Variants in PARD3 observed in about 807,000 individuals in gnomAD.
PARD3 encodes partitioning defective 3 homolog.
PARD3 carries 75 observed loss-of-function variants against 155.4 expected under a neutral mutation model. That is an observed-to-expected ratio of 0.48 (90% CI 0.40 to 0.58). PARD3 has a LOEUF of 0.58. Ranked by LOEUF, PARD3 falls within the 20% of genes least tolerant of loss-of-function variation. PARD3 has a pLI of 0.00. For synonymous variants in PARD3, 576 were observed against 610.5 expected, an observed-to-expected ratio of 0.94 and a Z score of 0.83; for missense variants, 1,642 against 1,721.7, an observed-to-expected ratio of 0.95 and a Z score of 0.82.
intron 2 of PARD3, among the ~76,000 whole-genome samples, chr10:34,650,038 C>T (rs1037818936): frequency 2.0e-5 from 3 of 152,200 alleles, no homozygotes; most frequent in Admixed American, 6.5e-5. Context: ...GGTGACAGCA[C>T]ACATGGAGCT....
Position 34,435,779 on chromosome 10 carries a change from C to T in PARD3, c.714+14538G>A, listed in dbSNP as rs190545784. 1.1e-4 allele frequency among the ~76,000 whole-genome samples: 17 copies of T among 152,338 alleles called. 1 individual carries two copies. Among genetic ancestry groups the T allele is most frequent in the Admixed American group, 8.5e-4 (13 of 15,306 alleles). On this transcript the variant is annotated intron_variant, in intron 5 of 24. Coordinates refer to ENST00000374788, the MANE Select transcript of PARD3 (RefSeq NM_001184785.2). The stretch of plus-strand genomic sequence containing the variant: ...TAACACAGAAGTAAATTACAAAGCA[C>T]CCCGCTTTGGGATATACTAAGGGAA...
At chr10:34,292,214 T>C (rs1023827575) in intron 20 of PARD3, among the ~76,000 whole-genome samples, 19 of 152,228 alleles carry the variant, frequency 1.2e-4, no homozygotes, top group African/African-American at 4.3e-4. Flanking sequence ...TCATTTGTAA[T>C]GACATGCTCA....
At chr10:34,747,889 G>T (rs1484119122) in intron 1 of PARD3, among the ~76,000 whole-genome samples, 1 of 152,274 alleles carries the variant, frequency 6.6e-6, no homozygotes, top group East Asian at 1.9e-4. Flanking sequence ...TGCCTACAGC[G>T]GCTGGAAAAG....
intron 2 of PARD3, 120 bp from the exon 3 acceptor site, chr10:34,517,279 G>T: frequency 1.2e-6 from 1 of 843,660 alleles, no homozygotes; most frequent in Non-Finnish European, 1.7e-6. Flanking sequence ...ACCCTAGAAT[G>T]GTAAGTTTTA....
chr10:34,679,967 T>C (rs1331885927), intron 2 of PARD3, among the ~76,000 whole-genome samples: 1 of 151,808 alleles, frequency 6.6e-6, no homozygotes, highest in Non-Finnish European at 1.5e-5. Context: ...GGACAGAAAA[T>C]TACCTTCTGT....
chr10:34,489,009 T>A (rs541784626), intron 3 of PARD3: 1 of 152,622 alleles, frequency 6.6e-6, no homozygotes, highest in East Asian at 1.9e-4. Context: ...CACTAAAAGC[T>A]TTCTAAGGAG....
chr10:34,413,312 G>A (rs572136982), intron 5 of PARD3, among the ~76,000 whole-genome samples: 3 of 152,240 alleles, frequency 2.0e-5, no homozygotes, highest in Non-Finnish European at 4.4e-5. Context: ...GTTTAATTGT[G>A]TGTAGGAACA....
chr10:34,114,375 AC>A (rs1312645010), intron 24 of PARD3, among the ~76,000 whole-genome samples: 2 of 152,042 alleles, frequency 1.3e-5, no homozygotes, highest in Non-Finnish European at 2.9e-5. Flanking sequence ...ACAGAGCCTC[AC>A]TCTTTTGCCC....
At chr10:34,664,206 T>C (rs1590492920) in intron 2 of PARD3, 2 of 152,196 alleles carry the variant, frequency 1.3e-5, no homozygotes, top group African/African-American at 4.8e-5. Flanking sequence ...CGAAAACCTT[T>C]TTCTTTTTTC....
chr10:34,309,641 G>A (rs1013941638), intron 20 of PARD3, among the ~76,000 whole-genome samples: 1 of 150,430 alleles, frequency 6.6e-6, no homozygotes, highest in African/African-American at 2.4e-5. Context: ...AACATTGTTG[G>A]GGCAATGTCC....
intron 1 of PARD3, among the ~76,000 whole-genome samples, chr10:34,746,439 C>T (rs1358685366): frequency 6.6e-6 from 1 of 152,062 alleles, no homozygotes; most frequent in Admixed American, 6.6e-5. Context: ...CAGAGTAAGA[C>T]CTCGTCTCTA....
intron 22 of PARD3, among the ~76,000 whole-genome samples, chr10:34,220,802 T>C (rs1413236228): frequency 6.6e-6 from 1 of 152,236 alleles, no homozygotes; most frequent in Non-Finnish European, 1.5e-5. Flanking sequence ...GGTATGGTTC[T>C]ATGATTCCCC....
intron 2 of PARD3, among the ~76,000 whole-genome samples, chr10:34,681,488 A>G (rs961119757): frequency 1.3e-5 from 2 of 151,792 alleles, no homozygotes; most frequent in African/African-American, 2.4e-5. Context: ...TCCCACCTAC[A>G]TATGGGACTT....
chr10:34,259,469 C>T (rs1564526189), intron 22 of PARD3, among the ~76,000 whole-genome samples: 2 of 152,298 alleles, frequency 1.3e-5, no homozygotes, highest in South Asian at 4.1e-4. Flanking sequence ...AATAGGGCAG[C>T]AGCTTCAGTT....
At chr10:34,243,254 A>C (rs1158274942) in intron 22 of PARD3, among the ~76,000 whole-genome samples, 1 of 152,148 alleles carries the variant, frequency 6.6e-6, no homozygotes, top group Non-Finnish European at 1.5e-5. Context: ...CTCTCATCCC[A>C]CCTGATGCCC....
chr10:34,329,141 G>A (rs1354308949), intron 19 of PARD3, among the ~76,000 whole-genome samples: 5 of 151,942 alleles, frequency 3.3e-5, no homozygotes, highest in Admixed American at 3.3e-4. Context: ...AGTTTATATA[G>A]GGACAAAATC....
intron 22 of PARD3, chr10:34,202,087 T>C (rs190333762): frequency 6.6e-6 from 1 of 152,412 alleles, no homozygotes; most frequent in Admixed American, 6.5e-5. Context: ...TTTTTGTTTT[T>C]TTTAGAGACA....
chr10:34,144,164 G>C (rs1301388950), intron 22 of PARD3, among the ~76,000 whole-genome samples: 1 of 152,106 alleles, frequency 6.6e-6, no homozygotes, highest in African/African-American at 2.4e-5. Flanking sequence ...CTGATAGATT[G>C]TGAAAGGGCT....
At chr10:34,441,926 A>C (rs2076484950) in intron 5 of PARD3, among the ~76,000 whole-genome samples, 1 of 152,166 alleles carries the variant, frequency 6.6e-6, no homozygotes. Context: ...TTTGGGTGTT[A>C]TTGGGGACAT....
Sources: gnomAD v4.1 joint callset for allele counts (sites outside exome capture counted in the v4.1 genomes callset) on GRCh38, gnomAD v4.1.1 for gene constraint, MANE v1.5 for transcripts, NCBI Gene and HGNC (gene_info 2026-07-23, HGNC 2026-07-21) for gene names.